Variants in KLHL6 observed in about 807,000 individuals in gnomAD.
The protein encoded by KLHL6 is kelch-like protein 6.
In KLHL6, 41 loss-of-function variants were observed where a neutral mutation model predicts 58.6. That is an observed-to-expected ratio of 0.70 (90% CI 0.55 to 0.91). KLHL6 has a LOEUF of 0.91. Ranked by LOEUF, KLHL6 falls within the 40% of genes least tolerant of loss-of-function variation. KLHL6 has a pLI of 0.00. For missense variants in KLHL6, 714 were observed against 805.6 expected (o/e 0.89, Z 1.38); for synonymous variants, 338 against 322.7 (o/e 1.05, Z -0.51).
At chr3:183,544,916 CAG>C (rs952290002) in intron 1 of KLHL6, 7 of 152,210 alleles carry the variant, frequency 4.6e-5, no homozygotes, top group African/African-American at 1.4e-4. Context: ...CTGAGCCAAT[CAG>C]AGTCTTTCCC....
chr3:183,524,826 G>A (rs1057316564), intron 2 of KLHL6, among the ~76,000 whole-genome samples: 5 of 152,342 alleles, frequency 3.3e-5, no homozygotes, highest in African/African-American at 9.6e-5. Context: ...GTCCCACAGA[G>A]GTGGTACTGA....
chr3:183,549,635 A>G (rs905850399), intron 1 of KLHL6, among the ~76,000 whole-genome samples: 1 of 152,180 alleles, frequency 6.6e-6, no homozygotes, highest in Non-Finnish European at 1.5e-5. Context: ...CAGCCTCCCG[A>G]GTAGCTGGGA....
chr3:183,540,098 G>A (rs555547302), intron 1 of KLHL6, among the ~76,000 whole-genome samples: 3 of 152,182 alleles, frequency 2.0e-5, no homozygotes, highest in Non-Finnish European at 4.4e-5. Context: ...ACACCCCACC[G>A]TCCAAGCCCA....
At chr3:183,523,383 TCTAA>T (rs1711836555) in intron 2 of KLHL6, among the ~76,000 whole-genome samples, 1 of 152,220 alleles carries the variant, frequency 6.6e-6, no homozygotes, top group Admixed American at 6.5e-5. Context: ...CAATGTCTCC[TCTAA>T]CTGCCACCAT....
At chr3:183,502,056 G>A (rs779304019) in intron 3 of KLHL6, among the ~76,000 whole-genome samples, 5 of 152,114 alleles carry the variant, frequency 3.3e-5, no homozygotes, top group South Asian at 4.1e-4. Context: ...TTGGGAGGTC[G>A]AGGCAGGTGG....
At chr3:183,530,618 C>T (rs1712123995) in intron 1 of KLHL6, among the ~76,000 whole-genome samples, 2 of 152,044 alleles carry the variant, frequency 1.3e-5, no homozygotes, top group African/African-American at 4.8e-5. Context: ...CTCAGCCTAC[C>T]CATTCTGAGA....
Position 183,492,350 on chromosome 3 carries a change from T to C in KLHL6, c.1565-122A>G, listed in dbSNP as rs867231220. On this transcript the variant is annotated intron_variant, in intron 6 of 6. Coordinates refer to ENST00000341319, the MANE Select transcript of KLHL6 (RefSeq NM_130446.4). This position sits in a 1 kb window ranked among gnomAD's most constrained non-coding sequence, Gnocchi z 5.9. Reference sequence around the variant, plus strand: ...CCCTCTTGCCAAGAGAAACAGTCGATTGATGGCTCTCCTGAAAGCCAGAGT... The same window carrying C: ...CCCTCTTGCCAAGAGAAACAGTCGACTGATGGCTCTCCTGAAAGCCAGAGT... 5.1e-5 allele frequency: 67 copies of C among 1,303,222 alleles called. No individual in the cohort carries two copies. In the Middle Eastern group the frequency reaches 3.4e-3, roughly 67 times the overall value. The allele number at this position is 1,303,222 out of a possible 1,614,324, so 80.7% of individuals were successfully genotyped here.
Position 183,492,727 on chromosome 3 carries a change from A to T in KLHL6, c.1351-20T>A. The T allele has an allele frequency of 6.2e-7, 1 of 1,610,836 alleles. No homozygotes were observed. The highest frequency in any genetic ancestry group is 8.5e-7 in the Non-Finnish European group (1 of 1,178,820). Reference sequence around the variant, plus strand: ...TGCGGCCTGTAGAGGCACAGGGCACAAGAAGAAGCTGTCAGTCATGCTGCC... The same window carrying T: ...TGCGGCCTGTAGAGGCACAGGGCACTAGAAGAAGCTGTCAGTCATGCTGCC... On this transcript the variant is annotated intron_variant, in intron 5 of 6. Coordinates refer to ENST00000341319, the MANE Select transcript of KLHL6 (RefSeq NM_130446.4). This position sits in a 1 kb window ranked among gnomAD's most constrained non-coding sequence, Gnocchi z 5.9.
chr3:183,494,381 C>CA (rs1328212287), intron 4 of KLHL6, 100 bp from the exon 5 acceptor site: 2 of 950,062 alleles, frequency 2.1e-6, no homozygotes, highest in East Asian at 4.9e-5. Context: ...GTCCCCAGGC[C>CA]AGCCCTACCC....
chr3:183,512,831 T>G (rs1462284409), intron 2 of KLHL6, among the ~76,000 whole-genome samples: 1 of 151,416 alleles, frequency 6.6e-6, no homozygotes, highest in African/African-American at 2.4e-5. Flanking sequence ...AATATATATA[T>G]AAAATAAAGT....
intron 1 of KLHL6, 58 bp from the exon 2 acceptor site, chr3:183,528,068 GA>G: frequency 1.9e-6 from 3 of 1,593,776 alleles, no homozygotes; most frequent in Non-Finnish European, 2.6e-6. Context: ...CAGGCCTAAA[GA>G]GATCCCCTTT....
chr3:183,519,717 T>C (rs962637437), intron 2 of KLHL6, among the ~76,000 whole-genome samples: 1 of 150,158 alleles, frequency 6.7e-6, no homozygotes. Flanking sequence ...AGAGACTTTG[T>C]CTCTAAAATA....
chr3:183,493,294 T>C (rs1264837677), intron 5 of KLHL6: 1 of 156,020 alleles, frequency 6.4e-6, no homozygotes, highest in Non-Finnish European at 1.4e-5. Context: ...TCCTTTTAGA[T>C]CGTGGAGCAG....
In KLHL6 at chr3:183,490,115, G is replaced by A. The variant is rs1304927128; in HGVS notation, c.*1812C>T. ...TTGGGGATTAGAATGAATTTCCAGT[G>A]AGCTCATTTGAAAGCTGTAGCTCTT... is the stretch of plus-strand genomic sequence containing the variant. On this transcript the variant is annotated 3_prime_UTR_variant, in exon 7 of 7. Coordinates refer to ENST00000341319, the MANE Select transcript of KLHL6 (RefSeq NM_130446.4). The A allele has an allele frequency of 1.3e-5, 2 of 152,154 alleles. No individual in the cohort carries two copies. Among genetic ancestry groups the A allele is most frequent in the East Asian group, 1.9e-4 (1 of 5,188 alleles). 9.4% of individuals were successfully genotyped at this position (152,154 alleles called of 1,614,324 possible).
intron 2 of KLHL6, among the ~76,000 whole-genome samples, chr3:183,527,280 AC>A (rs775384179): frequency 1.3e-5 from 2 of 152,196 alleles, no homozygotes; most frequent in Non-Finnish European, 2.9e-5. Flanking sequence ...CTAGTTTTAA[AC>A]TTTTGTACAT....
chr3:183,530,318 T>C lies in KLHL6; in HGVS notation c.294-2308A>G, dbSNP rs143160799. On this transcript the variant is annotated intron_variant, in intron 1 of 6. Transcript: ENST00000341319. ...GCAGAAATATGGGCATTAAAGATCA[T>C]TCTGGTGAAGTCTCCAATGGAAATG... is the stretch of plus-strand genomic sequence containing the variant. Among the ~76,000 whole-genome samples, 216 of 152,280 alleles carry C rather than the reference T, an allele frequency of 1.4e-3. 1 individual carries two copies. The highest frequency in any genetic ancestry group is 2.5e-3 in the Non-Finnish European group (169 of 68,014).
intron 2 of KLHL6, among the ~76,000 whole-genome samples, chr3:183,518,814 C>T (rs961680581): frequency 4.6e-5 from 7 of 152,072 alleles, no homozygotes; most frequent in Non-Finnish European, 7.3e-5. Flanking sequence ...CGTGAGAGAA[C>T]GGATGACAAA....
rs529685259 is a variant in KLHL6, at chr3:183,495,827, A to G, written c.1148-1546T>C. Among the ~76,000 whole-genome samples, 5 of 152,320 alleles carry G rather than the reference A, an allele frequency of 3.3e-5. No homozygotes were observed. The East Asian group carries it at 9.6e-4, about 29-fold the overall frequency. ...AAATATTAAAATATACTATAAAGCT[A>G]TCCTAATACAAACAGTGCAGTACTA... On this transcript the variant is annotated intron_variant, in intron 4 of 6. Coordinates refer to ENST00000341319, the MANE Select transcript of KLHL6 (RefSeq NM_130446.4).
In KLHL6 at chr3:183,490,543, A is replaced by C. The variant is rs1381621210; in HGVS notation, c.*1384T>G. The stretch of plus-strand genomic sequence containing the variant: ...AAAAAAAGACCGGGCCCAGTGGCTC[A>C]CACCTGTAATCCCAGCACTTCGGGA... On this transcript the variant is annotated 3_prime_UTR_variant, in exon 7 of 7. Transcript: ENST00000341319. The C allele has an allele frequency of 1.3e-5, 2 of 151,998 alleles. No individual in the cohort carries two copies. The highest frequency in any genetic ancestry group is 2.4e-5 in the African/African-American group (1 of 41,354). 9.4% of individuals were successfully genotyped at this position (151,998 alleles called of 1,614,324 possible). A position where few individuals can be genotyped will look rare whatever the true frequency, so the allele number is the denominator to read the frequency against.
Sources: gnomAD v4.1 joint callset for allele counts (sites outside exome capture counted in the v4.1 genomes callset) on GRCh38, gnomAD v4.1.1 for gene constraint, Gnocchi (gnomAD v3.1) non-coding constraint, MANE v1.5 for transcripts, NCBI Gene and HGNC (gene_info 2026-07-23, HGNC 2026-07-21) for gene names.